CHRM3: variants seen among roughly 807,000 people sequenced by gnomAD.
CHRM3 encodes cholinergic receptor muscarinic 3.
Under a neutral mutation model 41.8 loss-of-function variants are expected in CHRM3, and 11 were observed. The ratio of observed to expected loss-of-function variants is 0.26; its 90% confidence interval spans 0.17 to 0.44. The LOEUF is 0.44. Among genes scored for constraint, CHRM3 ranks in the 20% least tolerant of loss-of-function variants. CHRM3 has a pLI of 1.00. For missense variants in CHRM3, 571 were observed against 745.4 expected (o/e 0.77, Z 2.72); for synonymous variants, 297 against 301.4 (o/e 0.99, Z 0.15).
At chr1:239,808,401 A>G (rs1572360309) in intron 5 of CHRM3, among the ~76,000 whole-genome samples, 3 of 152,224 alleles carry the variant, frequency 2.0e-5, no homozygotes, top group Middle Eastern at 3.4e-3. Flanking sequence ...CATACGAACA[A>G]AGGGAGACAG....
intron 5 of CHRM3, among the ~76,000 whole-genome samples, chr1:239,740,459 G>T (rs555557660): frequency 1.5e-4 from 22 of 145,622 alleles, no homozygotes; most frequent in South Asian, 2.2e-4. Flanking sequence ...ATTGAGGGTG[G>T]TTTTTTTTTT....
intron 3 of CHRM3, among the ~76,000 whole-genome samples, chr1:239,552,015 A>G (rs1292611740): frequency 2.0e-5 from 3 of 152,078 alleles, no homozygotes; most frequent in Admixed American, 6.6e-5. Context: ...CAGAAATATA[A>G]TGGAATAATG....
In CHRM3 at chr1:239,899,463, C is replaced by T. The variant is rs531645246; in HGVS notation, c.-19-7970C>T. Among the ~76,000 whole-genome samples, 17 of 143,170 alleles carry T rather than the reference C, an allele frequency of 1.2e-4. No homozygotes were observed. The South Asian group carries it at 2.0e-3, about 17-fold the overall frequency. 93.9% of individuals were successfully genotyped at this position (143,170 alleles called of 152,430 possible). ...TATGTATATGATATGTATATACATACGTATATATGTGTGTATATATACTCA... is the reference window on the plus strand; with the variant it reads ...TATGTATATGATATGTATATACATATGTATATATGTGTGTATATATACTCA... On this transcript the variant is annotated intron_variant, in intron 6 of 6. Transcript: ENST00000676153.
intron 5 of CHRM3, among the ~76,000 whole-genome samples, chr1:239,790,689 T>C (rs924513816): frequency 1.3e-5 from 2 of 152,192 alleles, no homozygotes; most frequent in Non-Finnish European, 2.9e-5. Context: ...TGTGGAAACC[T>C]AGGCAGAGAA....
At chr1:239,802,926 G>C (rs1014416566) in intron 5 of CHRM3, among the ~76,000 whole-genome samples, 3 of 152,144 alleles carry the variant, frequency 2.0e-5, no homozygotes, top group African/African-American at 7.2e-5. Flanking sequence ...ATCTTAATTT[G>C]AGATTTGACT....
At chr1:239,843,952 A>G (rs971886872) in intron 6 of CHRM3, among the ~76,000 whole-genome samples, 2 of 152,198 alleles carry the variant, frequency 1.3e-5, no homozygotes, top group Non-Finnish European at 2.9e-5. Context: ...ATAGACACAC[A>G]TACACATATG....
intron 5 of CHRM3, among the ~76,000 whole-genome samples, chr1:239,773,636 T>G (rs1667862024): frequency 6.6e-6 from 1 of 152,222 alleles, no homozygotes; most frequent in African/African-American, 2.4e-5. Flanking sequence ...CTTATAATTC[T>G]GAAAAGGAAG....
intron 4 of CHRM3, among the ~76,000 whole-genome samples, chr1:239,658,743 CTT>C (rs537997550): frequency 2.7e-5 from 4 of 145,662 alleles, no homozygotes; most frequent in African/African-American, 5.0e-5. Context: ...ATTTTATTGA[CTT>C]TTTTTTTTTT....
In CHRM3 at chr1:239,907,017, C is replaced by T. The variant is rs1458378919; in HGVS notation, c.-19-416C>T. On this transcript the variant is annotated intron_variant, in intron 6 of 6. Coordinates refer to ENST00000676153, the MANE Select transcript of CHRM3 (RefSeq NM_001375978.1). This position sits in a 1 kb window ranked among gnomAD's most constrained non-coding sequence, Gnocchi z 5.4. ...TCTGAAGCCTCAGATGGGTAAATGCCCAGATAGATAAAATGCAAATCAAGT... is the reference window on the plus strand; with the variant it reads ...TCTGAAGCCTCAGATGGGTAAATGCTCAGATAGATAAAATGCAAATCAAGT... Among the ~76,000 whole-genome samples, 1 of 152,052 alleles carries T rather than the reference C, an allele frequency of 6.6e-6. No individual in the cohort carries two copies. Among genetic ancestry groups the T allele is most frequent in the East Asian group, 1.9e-4 (1 of 5,196 alleles).
intron 5 of CHRM3, among the ~76,000 whole-genome samples, chr1:239,800,811 C>T (rs1014516128): frequency 2.0e-5 from 3 of 151,772 alleles, no homozygotes; most frequent in Non-Finnish European, 1.5e-5. Flanking sequence ...AATATTTAAA[C>T]AAAGATTTAT....
rs987391448 is a variant in CHRM3, at chr1:239,501,934, A to G, written c.-422+9127A>G. 2.6e-5 allele frequency among the ~76,000 whole-genome samples: 4 copies of G among 152,296 alleles called. No individual in the cohort carries two copies. The East Asian group carries it at 7.7e-4, about 29-fold the overall frequency. On this transcript the variant is annotated intron_variant, in intron 2 of 6. Transcript: ENST00000676153. ...CTGGGATACAGCAAAGGCGGTGCTA[A>G]GAGGAAAGTTCACAGCCCTCAATGC...
At chr1:239,738,472 G>C (rs576262607) in intron 5 of CHRM3, among the ~76,000 whole-genome samples, 12 of 152,320 alleles carry the variant, frequency 7.9e-5, no homozygotes, top group South Asian at 4.1e-4. Flanking sequence ...CAGGCTCAGG[G>C]GGGGTTTGGG....
chr1:239,828,594 C>T (rs1006430195), intron 6 of CHRM3, among the ~76,000 whole-genome samples: 9 of 151,984 alleles, frequency 5.9e-5, no homozygotes, highest in Admixed American at 2.0e-4. Context: ...TGAAGACAAA[C>T]GAGGAGGTGC....
rs11590872 is a variant in CHRM3, at chr1:239,394,523, G to A, written c.-521+7296G>A. On this transcript the variant is annotated intron_variant, in intron 1 of 6. Transcript: ENST00000676153. The stretch of plus-strand genomic sequence containing the variant: ...TCATATAAGGTAATCACAGAACCTG[G>A]GGATTAGGAGGTGGGCACATCTTTT... Among the ~76,000 whole-genome samples the A allele has an allele frequency of 7.7e-3, 1,167 of 152,264 alleles. 8 individuals are homozygous for A. The highest frequency in any genetic ancestry group is 0.013 in the Non-Finnish European group (865 of 68,028).
At chr1:239,420,163 G>A (rs1231675456) in intron 1 of CHRM3, among the ~76,000 whole-genome samples, 1 of 152,104 alleles carries the variant, frequency 6.6e-6, no homozygotes, top group Admixed American at 6.5e-5. Context: ...AACCCCATCT[G>A]GTTTAGTGGT....
chr1:239,463,295 C>G (rs1665491833), intron 1 of CHRM3, among the ~76,000 whole-genome samples: 1 of 152,146 alleles, frequency 6.6e-6, no homozygotes, highest in South Asian at 2.1e-4. Flanking sequence ...ATCTAATTTT[C>G]ATGCATTTTC....
At chr1:239,583,779 A>G (rs1373423020) in intron 3 of CHRM3, among the ~76,000 whole-genome samples, 19 of 152,108 alleles carry the variant, frequency 1.2e-4, no homozygotes, top group Admixed American at 1.2e-3. Context: ...CACCCAGCAC[A>G]TTTTTATTGT....
chr1:239,683,783 G>T (rs929206001), intron 5 of CHRM3, among the ~76,000 whole-genome samples: 1 of 152,008 alleles, frequency 6.6e-6, no homozygotes, highest in African/African-American at 2.4e-5. Flanking sequence ...GAAGCATTTG[G>T]ATCATTCTCT....
intron 3 of CHRM3, among the ~76,000 whole-genome samples, chr1:239,595,757 T>C (rs1664704360): frequency 6.6e-6 from 1 of 152,220 alleles, no homozygotes; most frequent in African/African-American, 2.4e-5. Flanking sequence ...GCTCCAGTGT[T>C]GGTGAAATTT....
Sources: gnomAD v4.1 joint callset for allele counts (sites outside exome capture counted in the v4.1 genomes callset) on GRCh38, gnomAD v4.1.1 for gene constraint, Gnocchi (gnomAD v3.1) non-coding constraint, MANE v1.5 for transcripts, NCBI Gene and HGNC (gene_info 2026-07-23, HGNC 2026-07-21) for gene names.